Variants in DOCK3 observed in about 807,000 individuals in gnomAD.
DOCK3 encodes the protein dedicator of cytokinesis 3, also known as dedicator of cytokinesis protein 3.
In DOCK3, 60 loss-of-function variants were observed where a neutral mutation model predicts 265.6. The observed-to-expected ratio is 0.23, with a 90% CI of 0.18 to 0.28. The LOEUF (loss-of-function observed/expected upper bound fraction) is 0.28. DOCK3 is among the 10% of genes least tolerant of loss of function. DOCK3 has a pLI of 1.00. For missense variants in DOCK3, 1,981 were observed against 2,594.3 expected (o/e 0.76, Z 5.14); for synonymous variants, 881 against 938.0 (o/e 0.94, Z 1.11).
intron 12 of DOCK3, among the ~76,000 whole-genome samples, chr3:51,192,521 A>T (rs1041999499): frequency 6.6e-6 from 1 of 152,000 alleles, no homozygotes; most frequent in African/African-American, 2.4e-5. Flanking sequence ...GGTGAAGAAT[A>T]AAAAAGTAGG....
intron 5 of DOCK3, among the ~76,000 whole-genome samples, chr3:51,053,078 G>T (rs867646824): frequency 7.5e-4 from 33 of 43,782 alleles, no homozygotes; most frequent in Non-Finnish European, 1.2e-3. Context: ...AAAAGTCAAA[G>T]ATATATATAT....
chr3:50,883,713 T>C (rs868443074), intron 3 of DOCK3, among the ~76,000 whole-genome samples: 10 of 152,304 alleles, frequency 6.6e-5, no homozygotes, highest in Non-Finnish European at 8.8e-5. Flanking sequence ...GAAATTTGTA[T>C]TTTAAATATT....
In DOCK3 at chr3:51,275,210, G is replaced by A; in HGVS notation, c.2676+4G>A. ...CATCGTCAAGACCAGCTCTCTGGTA[G>A]TGGCCCCACACCCACTCCACCCTGT... On this transcript the variant is annotated splice_donor_region_variant and intron_variant, in intron 25 of 52. Coordinates refer to ENST00000266037, the MANE Select transcript of DOCK3 (RefSeq NM_004947.5). 6.2e-7 allele frequency: 1 copy of A among 1,613,822 alleles called. No homozygotes were observed. The highest frequency in any genetic ancestry group is 2.2e-5 in the East Asian group (1 of 44,872).
At chr3:51,142,478 G>A (rs1430124522) in intron 9 of DOCK3, among the ~76,000 whole-genome samples, 1 of 152,116 alleles carries the variant, frequency 6.6e-6, no homozygotes, top group Non-Finnish European at 1.5e-5. Flanking sequence ...CAACATAAAT[G>A]GAGACATAGA....
chr3:51,357,161 C>T lies in DOCK3; in HGVS notation c.4683+20C>T. ...CAGGAGGTAAGCTGTGGCCACAGGCCAAACCCATGCAGCCAGCCTGGCCAG... is the reference window on the plus strand; with the variant it reads ...CAGGAGGTAAGCTGTGGCCACAGGCTAAACCCATGCAGCCAGCCTGGCCAG... On this transcript the variant is annotated intron_variant, in intron 44 of 52. Coordinates refer to ENST00000266037, the MANE Select transcript of DOCK3 (RefSeq NM_004947.5). The T allele has an allele frequency of 6.2e-7, 1 of 1,603,208 alleles. No individual in the cohort carries two copies. Among genetic ancestry groups the T allele is most frequent in the Non-Finnish European group, 8.5e-7 (1 of 1,174,136 alleles).
At position 51,109,783 on chromosome 3, in the gene DOCK3, AT is replaced by A. The variant is rs200418379; in HGVS notation, c.746+19401del. Among the ~76,000 whole-genome samples, 1,232 of 152,060 alleles carry A rather than the reference AT, an allele frequency of 8.1e-3. 9 individuals are homozygous for A. Among genetic ancestry groups the A allele is most frequent in the African/African-American group, 0.013 (542 of 41,486 alleles). Reference sequence around the variant, plus strand: ...CCCCATCTCTACAAAAAATACTAAAATTAGCCAGTCATGGTGGCACACACCT... The same window carrying A: ...CCCCATCTCTACAAAAAATACTAAAATAGCCAGTCATGGTGGCACACACCT... On this transcript the variant is annotated intron_variant, in intron 9 of 52. Coordinates refer to ENST00000266037, the MANE Select transcript of DOCK3 (RefSeq NM_004947.5).
At chr3:50,908,348 TGATGTG>T (rs1266008108) in intron 4 of DOCK3, among the ~76,000 whole-genome samples, 1 of 152,102 alleles carries the variant, frequency 6.6e-6, no homozygotes, top group Non-Finnish European at 1.5e-5. Flanking sequence ...TCTGGCTTTT[TGATGTG>T]GACATTTAGT....
chr3:51,161,604 G>A (rs2086147187), intron 12 of DOCK3, among the ~76,000 whole-genome samples: 1 of 152,146 alleles, frequency 6.6e-6, no homozygotes, highest in Non-Finnish European at 1.5e-5. Context: ...AAATCTGGTA[G>A]TACACATTTT....
In DOCK3 at chr3:50,675,641, T is replaced by A. The variant is rs896914955; in HGVS notation, c.37+341T>A. On this transcript the variant is annotated intron_variant, in intron 1 of 52. Coordinates refer to ENST00000266037, the MANE Select transcript of DOCK3 (RefSeq NM_004947.5). The surrounding 1 kb of genome is among the most constrained non-coding windows in gnomAD (Gnocchi z 6.1). ...AACCAAATTCTGGGAATATGTTTTC[T>A]CCCCTCCAAAAGCTCGATTTTAATG... 8.5e-5 allele frequency among the ~76,000 whole-genome samples: 13 copies of A among 152,314 alleles called. No individual in the cohort carries two copies. Among genetic ancestry groups the A allele is most frequent in the African/African-American group, 3.1e-4 (13 of 41,572 alleles).
At chr3:50,692,225 GTTTTTGTT>G (rs1171902014) in intron 1 of DOCK3, among the ~76,000 whole-genome samples, 5 of 152,164 alleles carry the variant, frequency 3.3e-5, no homozygotes, top group African/African-American at 9.6e-5. Context: ...CCTCAATTTT[GTTTTTGTT>G]TTTGTTTTTG....
chr3:51,091,075 A>T (rs1327640678), intron 9 of DOCK3, among the ~76,000 whole-genome samples: 1 of 152,226 alleles, frequency 6.6e-6, no homozygotes, highest in Non-Finnish European at 1.5e-5. Context: ...TTACTTTGGC[A>T]TAGGAATAAA....
At chr3:51,164,219 T>C (rs1476923541) in intron 12 of DOCK3, among the ~76,000 whole-genome samples, 1 of 152,192 alleles carries the variant, frequency 6.6e-6, no homozygotes, top group African/African-American at 2.4e-5. Context: ...TAAAAAAATG[T>C]CTTTTAACCA....
At chr3:51,232,228 C>T (rs2078152713) in intron 19 of DOCK3, among the ~76,000 whole-genome samples, 1 of 152,126 alleles carries the variant, frequency 6.6e-6, no homozygotes, top group South Asian at 2.1e-4. Flanking sequence ...GTGCACCTAT[C>T]ACCCAAGCAG....
intron 9 of DOCK3, among the ~76,000 whole-genome samples, chr3:51,117,788 C>G (rs1186993628): frequency 6.6e-6 from 1 of 152,162 alleles, no homozygotes; most frequent in African/African-American, 2.4e-5. Flanking sequence ...GTTTGTATTT[C>G]TGTGGGATCA....
intron 5 of DOCK3, among the ~76,000 whole-genome samples, chr3:51,040,258 T>C (rs2080429784): frequency 6.6e-6 from 1 of 151,940 alleles, no homozygotes; most frequent in Non-Finnish European, 1.5e-5. Context: ...TCTTAATATA[T>C]GACAAGGCAT....
intron 21 of DOCK3, among the ~76,000 whole-genome samples, chr3:51,246,205 C>T (rs968603873): frequency 1.8e-4 from 27 of 151,062 alleles, no homozygotes; most frequent in African/African-American, 6.3e-4. Context: ...AACAAAAATA[C>T]ACATCCAGTC....
At chr3:51,320,928 C>T (rs191761033) in intron 32 of DOCK3, among the ~76,000 whole-genome samples, 52 of 152,346 alleles carry the variant, frequency 3.4e-4, no homozygotes, top group African/African-American at 1.1e-3. Context: ...CCCTGCCTGA[C>T]GGCTCTGAAG....
intron 4 of DOCK3, among the ~76,000 whole-genome samples, chr3:50,914,275 TGTTGTTCATTTGAG>T (rs1284114252): frequency 6.6e-6 from 1 of 152,016 alleles, no homozygotes; most frequent in Admixed American, 6.6e-5. Flanking sequence ...CATTCATTCT[TGTTGTTCATTTGAG>T]GTTGTTCATT....
chr3:51,100,045 A>G (rs1312720370), intron 9 of DOCK3, among the ~76,000 whole-genome samples: 3 of 38,920 alleles, frequency 7.7e-5, no homozygotes, highest in Non-Finnish European at 1.4e-4. Flanking sequence ...AAAAAAAACT[A>G]GATAAAGAAA....
Sources: gnomAD v4.1 joint callset for allele counts (sites outside exome capture counted in the v4.1 genomes callset) on GRCh38, gnomAD v4.1.1 for gene constraint, Gnocchi (gnomAD v3.1) non-coding constraint, MANE v1.5 for transcripts, NCBI Gene and HGNC (gene_info 2026-07-23, HGNC 2026-07-21) for gene names.